Variants in RPS29 observed in about 807,000 individuals in gnomAD.
The protein encoded by RPS29 is small ribosomal subunit protein uS14.
For synonymous variants in RPS29, 37 were observed against 26.9 expected, an observed-to-expected ratio of 1.37 and a Z score of -1.16; for missense variants, 60 against 75.7, an observed-to-expected ratio of 0.79 and a Z score of 0.77.
At position 49,598,584 on chromosome 14, in the gene RPS29, C is replaced by G. The variant is rs780278153; in HGVS notation, c.-317G>C. 22 of 702,062 alleles carry G rather than the reference C, an allele frequency of 3.1e-5. No individual in the cohort carries two copies. The East Asian group carries it at 3.2e-4, about 10-fold the overall frequency. The allele number at this position is 702,062 out of a possible 1,614,324, so 43.5% of individuals were successfully genotyped here. A position where few individuals can be genotyped will look rare whatever the true frequency, so the allele number is the denominator to read the frequency against. Reference sequence around the variant, plus strand: ...ACTCAGACAGTTCTAAGTGCCTTTCCCTGTAACGCAGAGGCACACCTGCCT... The same window carrying G: ...ACTCAGACAGTTCTAAGTGCCTTTCGCTGTAACGCAGAGGCACACCTGCCT... On this transcript the variant is annotated 5_prime_UTR_variant, in exon 1 of 4. Coordinates refer to the RPS29 transcript ENST00000556230.
At chr14:49,575,589 G>A (rs1268338513) in exon 3 of RPS29, 1 of 152,218 alleles carries the variant, frequency 6.6e-6, no homozygotes. Context: ...GCTCACCCCT[G>A]TGATCCCAAC....
At chr14:49,585,126 T>C (rs1159626854) in intron 2 of RPS29, among the ~76,000 whole-genome samples, 2 of 152,056 alleles carry the variant, frequency 1.3e-5, no homozygotes, top group Non-Finnish European at 2.9e-5. Flanking sequence ...TCTCAGCACT[T>C]TGGGAGGCCG....
intron 1 of RPS29, 46 bp downstream of exon 1, chr14:49,586,239 A>G (rs2139514334): frequency 2.5e-6 from 4 of 1,587,876 alleles, no homozygotes; most frequent in Non-Finnish European, 3.5e-6. Context: ...TAAGCAGCCT[A>G]GCGCTCCACG....
intron 2 of RPS29, chr14:49,585,363 CA>C (rs60323459): frequency 1.9e-3 from 192 of 100,118 alleles, no homozygotes; most frequent in South Asian, 9.5e-3. Context: ...GACTCCGACT[CA>C]AAAAAAAAAA....
At chr14:49,582,035 CTT>C (rs925465752), downstream of RPS29, among the ~76,000 whole-genome samples, 4 of 110,218 alleles carry the variant, frequency 3.6e-5, no homozygotes, top group African/African-American at 1.7e-4. Context: ...AAAAAAAAAA[CTT>C]AGTGACTATC....
intron 2 of RPS29, among the ~76,000 whole-genome samples, chr14:49,578,296 T>C (rs1187400381): frequency 6.6e-6 from 1 of 152,108 alleles, no homozygotes; most frequent in Non-Finnish European, 1.5e-5. Context: ...GCAATATTGG[T>C]ACCAGGGACA....
upstream of RPS29, among the ~76,000 whole-genome samples, chr14:49,587,238 TAAAC>T (rs897113170): frequency 4.6e-5 from 7 of 152,234 alleles, no homozygotes; most frequent in Non-Finnish European, 1.0e-4. Context: ...TGTAAAGTAA[TAAAC>T]AAGTAATGTG....
exon 3 of RPS29, chr14:49,571,630 G>A (rs938382714): frequency 2.0e-5 from 3 of 152,098 alleles, no homozygotes; most frequent in East Asian, 1.9e-4. Context: ...CTTGGCCAGT[G>A]ATTCAATCAA....
At chr14:49,586,225 A>G in intron 1 of RPS29, 60 bp downstream of exon 1, 1 of 1,571,040 alleles carries the variant, frequency 6.4e-7, no homozygotes, top group Non-Finnish European at 8.8e-7. Context: ...TCTACTTGAG[A>G]TTTTAAGCAG....
chr14:49,577,885 G>T (rs754720207), intron 2 of RPS29: 12 of 1,543,456 alleles, frequency 7.8e-6, no homozygotes, highest in South Asian at 7.1e-5. Flanking sequence ...CATAAAAAGT[G>T]AAAAAGCAAT....
downstream of RPS29, chr14:49,583,422 G>A (rs1881402252): frequency 3.0e-6 from 1 of 329,782 alleles, no homozygotes; most frequent in Non-Finnish European, 5.6e-6. Context: ...TGGAGGCTGA[G>A]GCAGGAGGCT....
chr14:49,590,781 C>G (rs1272949784), upstream of RPS29, among the ~76,000 whole-genome samples: 1 of 151,898 alleles, frequency 6.6e-6, no homozygotes, highest in Non-Finnish European at 1.5e-5. Flanking sequence ...ACCTCCACCT[C>G]CCAGGCTTAA....
chr14:49,586,736 A>G (rs1420756020), upstream of RPS29: 1 of 245,020 alleles, frequency 4.1e-6, no homozygotes, highest in Non-Finnish European at 8.4e-6. Context: ...GGAGCGGGGG[A>G]CCACCAGGTT....
At chr14:49,574,098 G>A (rs919837194) in exon 3 of RPS29, 3 of 152,154 alleles carry the variant, frequency 2.0e-5, no homozygotes, top group Non-Finnish European at 2.9e-5. Context: ...TTAAAATAAT[G>A]AGATATTACT....
chr14:49,589,039 C>T (rs1387723996), upstream of RPS29, among the ~76,000 whole-genome samples: 1 of 151,786 alleles, frequency 6.6e-6, no homozygotes, highest in Non-Finnish European at 1.5e-5. Flanking sequence ...CTACAGCGCC[C>T]GCCACCATGC....
upstream of RPS29, among the ~76,000 whole-genome samples, chr14:49,589,101 G>T (rs1436225336): frequency 6.6e-6 from 1 of 151,806 alleles, no homozygotes; most frequent in Non-Finnish European, 1.5e-5. Context: ...CACCCTGTTA[G>T]CCAGGATGGT....
At chr14:49,593,591 G>A (rs1409463996) in intron 1 of RPS29, among the ~76,000 whole-genome samples, 1 of 150,366 alleles carries the variant, frequency 6.7e-6, no homozygotes. Context: ...TACTCAGGAG[G>A]CTGAGGCAGG....
chr14:49,578,513 TTC>T (rs957516342), intron 2 of RPS29, among the ~76,000 whole-genome samples: 12 of 151,754 alleles, frequency 7.9e-5, no homozygotes, highest in African/African-American at 2.7e-4. Flanking sequence ...TAAAAAAAAT[TTC>T]TTTCGGCAAT....
upstream of RPS29, among the ~76,000 whole-genome samples, chr14:49,589,309 G>GA (rs76667312): frequency 8.6e-4 from 125 of 145,022 alleles, no homozygotes; most frequent in African/African-American, 2.2e-3. Context: ...CAAAGAAAAA[G>GA]AAAAAAAAAA....
Sources: allele counts gnomAD v4.1 joint callset (sites outside exome capture counted in the v4.1 genomes callset), GRCh38; gene constraint gnomAD v4.1.1; transcripts MANE v1.5; gene names NCBI Gene and HGNC (gene_info 2026-07-23, HGNC 2026-07-21).